KCNH7: variants seen among roughly 807,000 people sequenced by gnomAD.
The protein encoded by KCNH7 is voltage-gated inwardly rectifying potassium channel KCNH7.
A neutral mutation model predicts 120.8 loss-of-function variants in KCNH7; 49 were observed. The observed-to-expected ratio is 0.41, with a 90% CI of 0.32 to 0.51. The LOEUF (loss-of-function observed/expected upper bound fraction) is 0.51. KCNH7 is among the 20% of genes least tolerant of loss of function. KCNH7 has a pLI of 0.38. For synonymous variants in KCNH7, 547 were observed against 516.1 expected (o/e 1.06, Z -0.81); for missense variants, 1,097 against 1,446.6 (o/e 0.76, Z 3.92).
chr2:162,546,312 T>A (rs1692475269), intron 2 of KCNH7, among the ~76,000 whole-genome samples: 1 of 150,964 alleles, frequency 6.6e-6, no homozygotes, highest in Non-Finnish European at 1.5e-5. Flanking sequence ...TTTTTAATTC[T>A]TTTTTTTTAA....
intron 6 of KCNH7, among the ~76,000 whole-genome samples, chr2:162,496,504 AG>A (rs1247943342): frequency 3.3e-5 from 5 of 152,080 alleles, no homozygotes; most frequent in African/African-American, 9.7e-5. Context: ...TCAACTGAGA[AG>A]GGGGGAAACT....
At chr2:162,609,314 A>T (rs1233117577) in intron 2 of KCNH7, among the ~76,000 whole-genome samples, 1 of 152,176 alleles carries the variant, frequency 6.6e-6, no homozygotes, top group East Asian at 1.9e-4. Context: ...TCTTGCATGG[A>T]GTTCTTCTAT....
At chr2:162,748,837 T>TCCC (rs1559113801) in intron 2 of KCNH7, among the ~76,000 whole-genome samples, 1 of 14,688 alleles carries the variant, frequency 6.8e-5, no homozygotes, top group African/African-American at 2.4e-4. Flanking sequence ...CCTCCCCTCC[T>TCCC]CTCCCCTCCC....
intron 6 of KCNH7, among the ~76,000 whole-genome samples, chr2:162,463,768 C>A (rs1393056483): frequency 6.7e-6 from 1 of 149,454 alleles, no homozygotes; most frequent in Non-Finnish European, 1.5e-5. Context: ...AAGAATCTCT[C>A]TTCCATGTTC....
chr2:162,478,224 G>A (rs183580923), intron 6 of KCNH7, among the ~76,000 whole-genome samples: 60 of 152,140 alleles, frequency 3.9e-4, no homozygotes, highest in African/African-American at 1.3e-3. Context: ...CAATGATCTG[G>A]GTATCTCCTG....
intron 2 of KCNH7, among the ~76,000 whole-genome samples, chr2:162,813,105 G>T (rs1296847267): frequency 2.6e-5 from 4 of 152,180 alleles, no homozygotes; most frequent in African/African-American, 9.7e-5. Flanking sequence ...ATATTTGCAT[G>T]TTCAAAGTCA....
chr2:162,497,454 T>C (rs1051155773), intron 6 of KCNH7, among the ~76,000 whole-genome samples: 1 of 152,146 alleles, frequency 6.6e-6, no homozygotes, highest in African/African-American at 2.4e-5. Flanking sequence ...ATGGCAATGA[T>C]AGCTTTGTAG....
At chr2:162,432,950 C>T (rs539437114) in intron 8 of KCNH7, among the ~76,000 whole-genome samples, 40 of 152,130 alleles carry the variant, frequency 2.6e-4, no homozygotes, top group African/African-American at 8.7e-4. Flanking sequence ...AGTAAAGTTT[C>T]GAGATACAGA....
intron 14 of KCNH7, among the ~76,000 whole-genome samples, chr2:162,376,063 C>T (rs1316598004): frequency 1.3e-5 from 2 of 152,022 alleles, no homozygotes; most frequent in African/African-American, 2.4e-5. Flanking sequence ...TATAAAGCTG[C>T]GTGAAGTTAA....
intron 2 of KCNH7, among the ~76,000 whole-genome samples, chr2:162,648,618 A>G (rs367731482): frequency 2.0e-5 from 3 of 152,166 alleles, no homozygotes; most frequent in Non-Finnish European, 4.4e-5. Context: ...TCAGACTAGA[A>G]TATTCTTTTC....
At chr2:162,790,169 G>C (rs187002547) in intron 2 of KCNH7, among the ~76,000 whole-genome samples, 1 of 150,514 alleles carries the variant, frequency 6.6e-6, no homozygotes, top group African/African-American at 2.4e-5. Context: ...TGATATCACA[G>C]GAATATAAAG....
chr2:162,410,374 T>C (rs973839501), intron 9 of KCNH7, among the ~76,000 whole-genome samples: 2 of 152,066 alleles, frequency 1.3e-5, no homozygotes, highest in Non-Finnish European at 2.9e-5. Flanking sequence ...TGGCTAGCCA[T>C]ATGCAGAAGA....
rs138665701 is a variant in KCNH7, at chr2:162,522,475, G to A, written c.464-4317C>T. ...GCATTACAGATTTAGTTGTCTAACT[G>A]CAGTTCATCCGGAAAGAATGCACAT... On this transcript the variant is annotated intron_variant, in intron 3 of 15. Coordinates refer to ENST00000332142, the MANE Select transcript of KCNH7 (RefSeq NM_033272.4). 3.5e-3 allele frequency among the ~76,000 whole-genome samples: 535 copies of A among 151,950 alleles called. 3 individuals carry two copies. The highest frequency in any genetic ancestry group is 0.013 in the African/African-American group (520 of 41,528).
chr2:162,507,666 C>T (rs2105761381), intron 5 of KCNH7, among the ~76,000 whole-genome samples: 1 of 151,720 alleles, frequency 6.6e-6, no homozygotes. Context: ...CAATTCACTA[C>T]TATTGCATTA....
chr2:162,641,000 A>T (rs1684135454), intron 2 of KCNH7, among the ~76,000 whole-genome samples: 1 of 152,194 alleles, frequency 6.6e-6, no homozygotes, highest in Non-Finnish European at 1.5e-5. Context: ...ATCTGTCAAA[A>T]TGGCTAAACT....
intron 8 of KCNH7, among the ~76,000 whole-genome samples, chr2:162,425,522 C>T (rs61311229): frequency 6.6e-6 from 1 of 152,094 alleles, no homozygotes. Context: ...AAATTGATTG[C>T]TGTGATCCAA....
intron 2 of KCNH7, among the ~76,000 whole-genome samples, chr2:162,625,999 G>A (rs867891027): frequency 2.0e-5 from 3 of 152,090 alleles, no homozygotes; most frequent in Non-Finnish European, 2.9e-5. Context: ...ACAGAGCTAG[G>A]ACTTAGGGGC....
chr2:162,404,706 A>G (rs1046960829), intron 9 of KCNH7, among the ~76,000 whole-genome samples: 1 of 151,986 alleles, frequency 6.6e-6, no homozygotes, highest in Admixed American at 6.6e-5. Context: ...CCATGCTTGT[A>G]CAGCCTGCAG....
intron 2 of KCNH7, among the ~76,000 whole-genome samples, chr2:162,718,482 T>G (rs1687211798): frequency 6.6e-6 from 1 of 152,046 alleles, no homozygotes; most frequent in Non-Finnish European, 1.5e-5. Flanking sequence ...TGAAATCATT[T>G]AAAGCCCACT....
Sources: allele counts gnomAD v4.1 joint callset (sites outside exome capture counted in the v4.1 genomes callset), GRCh38; gene constraint gnomAD v4.1.1; transcripts MANE v1.5; gene names NCBI Gene and HGNC (gene_info 2026-07-23, HGNC 2026-07-21).